ARHGEF4: variants seen among roughly 807,000 people sequenced by gnomAD.
ARHGEF4 encodes the protein Rho guanine nucleotide exchange factor 4.
In ARHGEF4, 119 loss-of-function variants were observed where a neutral mutation model predicts 162.0. The observed-to-expected ratio is 0.73, with a 90% CI of 0.63 to 0.86. ARHGEF4 has a LOEUF of 0.86. Among genes scored for constraint, ARHGEF4 ranks in the 40% least tolerant of loss-of-function variants. ARHGEF4 has a pLI of 0.00. For missense variants in ARHGEF4, 2,488 were observed against 2,456.0 expected (o/e 1.01, Z -0.28); for synonymous variants, 1,014 against 979.9 (o/e 1.03, Z -0.65).
At chr2:131,002,401 C>T (rs1243747686) in intron 4 of ARHGEF4, among the ~76,000 whole-genome samples, 1 of 151,792 alleles carries the variant, frequency 6.6e-6, no homozygotes, top group Non-Finnish European at 1.5e-5. Flanking sequence ...CACGGTGAAA[C>T]CCCATCTACT....
At chr2:130,878,362 T>C (rs1678994978) in intron 1 of ARHGEF4, among the ~76,000 whole-genome samples, 1 of 152,186 alleles carries the variant, frequency 6.6e-6, no homozygotes, top group South Asian at 2.1e-4. Context: ...ATGAGATTCC[T>C]GGGTCAGAAA....
At chr2:130,846,405 C>T (rs1680967278) in intron 1 of ARHGEF4, among the ~76,000 whole-genome samples, 1 of 152,178 alleles carries the variant, frequency 6.6e-6, no homozygotes, top group South Asian at 2.1e-4. Flanking sequence ...GCTGCTGGCC[C>T]TACGCCAGCC....
At chr2:130,892,962 G>A (rs16856298) in intron 1 of ARHGEF4, among the ~76,000 whole-genome samples, 20,020 of 152,254 alleles carry the variant, frequency 0.13, 2,934 homozygotes, top group African/African-American at 0.36. Flanking sequence ...TCAGAAAGGC[G>A]TTGGTTTACT....
chr2:130,885,564 C>CTTTTTTTTTTTT (rs961513941), intron 1 of ARHGEF4, among the ~76,000 whole-genome samples: 19 of 100,432 alleles, frequency 1.9e-4, no homozygotes, highest in African/African-American at 4.1e-4. Flanking sequence ...TTTTCTTATT[C>CTTTTTTTTTTTT]TTTTTTTTTT....
At chr2:130,896,948 A>C (rs562851693) in intron 1 of ARHGEF4, among the ~76,000 whole-genome samples, 1 of 152,280 alleles carries the variant, frequency 6.6e-6, no homozygotes, top group African/African-American at 2.4e-5. Flanking sequence ...AATGCCAGGC[A>C]TGTGGTCGCT....
At chr2:130,856,112 A>G (rs1681764263) in intron 1 of ARHGEF4, among the ~76,000 whole-genome samples, 1 of 152,234 alleles carries the variant, frequency 6.6e-6, no homozygotes, top group Non-Finnish European at 1.5e-5. Context: ...TAACTAAAGG[A>G]AGCCATGAAT....
At chr2:130,900,623 A>G (rs1427861803) in intron 1 of ARHGEF4, among the ~76,000 whole-genome samples, 1 of 152,024 alleles carries the variant, frequency 6.6e-6, no homozygotes, top group East Asian at 1.9e-4. Flanking sequence ...TTATTGAAGC[A>G]GTTTTCTGGT....
chr2:131,044,048 C>G (rs1691037549), intron 11 of ARHGEF4, among the ~76,000 whole-genome samples: 1 of 152,090 alleles, frequency 6.6e-6, no homozygotes. Flanking sequence ...CTTAGTCTCC[C>G]CACCTCAAAG....
chr2:131,025,579 A>G lies in ARHGEF4; in HGVS notation c.3986-2366A>G, dbSNP rs151041663. ...TGTTCATCCTTCCATTGGTTTCTTC[A>G]TCTGTTTCATCACCATTTATGTGTT... is the stretch of plus-strand genomic sequence containing the variant. On this transcript the variant is annotated intron_variant, in intron 4 of 13. Transcript: ENST00000409359. Among the ~76,000 whole-genome samples, 589 of 152,234 alleles carry G rather than the reference A, an allele frequency of 3.9e-3. 2 individuals are homozygous for G. The highest frequency in any genetic ancestry group is 6.1e-3 in the Non-Finnish European group (412 of 68,026).
intron 4 of ARHGEF4, among the ~76,000 whole-genome samples, chr2:130,963,338 G>T (rs1045260178): frequency 1.3e-4 from 20 of 152,028 alleles, no homozygotes; most frequent in Non-Finnish European, 2.9e-4. Context: ...GTCTGAGCGC[G>T]CTCCCCCCGC....
chr2:130,986,203 T>C (rs2105266811), intron 4 of ARHGEF4, among the ~76,000 whole-genome samples: 1 of 152,330 alleles, frequency 6.6e-6, no homozygotes, highest in African/African-American at 2.4e-5. Flanking sequence ...GCATAGGGTG[T>C]GTTGCATGTG....
At position 130,916,715 on chromosome 2, in the gene ARHGEF4, A is replaced by G. The variant is rs1401666773; in HGVS notation, c.2769A>G (p.Ile923Met). ...CCTTTTCAAACTTTATTGAGTCAAT[A>G]GTTCTAGAGAAAGAGAACACCCATG... Reference protein sequence around the residue: ...HKTFSNFIESIVLEKENTHER... With the variant: ...HKTFSNFIESMVLEKENTHER... The change falls in exon 2 of 14, where the codon ATA becomes ATG. Residue 923 changes from isoleucine (I) to methionine (M), a missense_variant. Around this residue, in one of 6 missense-constraint regions of ARHGEF4, gnomAD observed 1,642 missense variants for 1,481.5 expected, o/e 1.11. Transcript: ENST00000409359. 4 of 1,550,562 alleles carry G rather than the reference A, an allele frequency of 2.6e-6. No homozygotes were observed. In the Admixed American group the frequency reaches 7.8e-5, roughly 30 times the overall value.
chr2:130,955,610 CACACTG>C (rs1684220187), intron 4 of ARHGEF4, among the ~76,000 whole-genome samples: 6 of 152,120 alleles, frequency 3.9e-5, no homozygotes, highest in Admixed American at 3.9e-4. Flanking sequence ...CTGACCACAC[CACACTG>C]TTAAGCTCCA....
intron 4 of ARHGEF4, among the ~76,000 whole-genome samples, chr2:130,984,966 A>G (rs1042619527): frequency 4.1e-4 from 63 of 152,214 alleles, no homozygotes; most frequent in African/African-American, 1.5e-3. Flanking sequence ...CACAATTACA[A>G]ACAAGCCCCC....
chr2:130,915,100 A>C lies in ARHGEF4; in HGVS notation c.1154A>C (p.Gln385Pro), dbSNP rs1219604912. 3 of 1,550,574 alleles carry C rather than the reference A, an allele frequency of 1.9e-6. No homozygotes were observed. The highest frequency in any genetic ancestry group is 2.6e-6 in the Non-Finnish European group (3 of 1,147,040). ...AACATCCCTTCCCCTGCACCCACCC[A>C]GCTGTCTGGCCCGATTCCTGCTTTT... ...IQNIPSPAPT[Q>P]LSGPIPAFQS... The change falls in exon 2 of 14, where the codon CAG becomes CCG. Residue 385 changes from glutamine (Q) to proline (P), a missense_variant. Gln to Pro is a moderately conservative substitution (Grantham distance 76). Coordinates refer to ENST00000409359, the MANE Select transcript of ARHGEF4 (RefSeq NM_001367493.1).
chr2:130,844,851 T>G (rs1680843853), intron 1 of ARHGEF4, among the ~76,000 whole-genome samples: 1 of 151,950 alleles, frequency 6.6e-6, no homozygotes, highest in Non-Finnish European at 1.5e-5. Context: ...AGACAGAATC[T>G]CATACTCTTG....
At chr2:130,902,633 A>G (rs1347225655) in intron 1 of ARHGEF4, among the ~76,000 whole-genome samples, 1 of 151,986 alleles carries the variant, frequency 6.6e-6, no homozygotes, top group Admixed American at 6.6e-5. Context: ...AGAAGAAAAA[A>G]GGAAAAGAAA....
intron 4 of ARHGEF4, among the ~76,000 whole-genome samples, chr2:131,024,599 G>A (rs1389594612): frequency 6.6e-6 from 1 of 150,638 alleles, no homozygotes; most frequent in African/African-American, 2.5e-5. Flanking sequence ...TAAGACCCTA[G>A]GGGAGAAGGT....
chr2:130,940,280 G>C (rs948881661), intron 3 of ARHGEF4, among the ~76,000 whole-genome samples: 2 of 152,084 alleles, frequency 1.3e-5, no homozygotes, highest in Admixed American at 1.3e-4. Context: ...GGAACATAAG[G>C]AAATATTTTG....
Sources: allele counts gnomAD v4.1 joint callset (sites outside exome capture counted in the v4.1 genomes callset), GRCh38; gene constraint gnomAD v4.1.1; regional missense constraint gnomAD v4.1.1; transcripts MANE v1.5; gene names NCBI Gene and HGNC (gene_info 2026-07-23, HGNC 2026-07-21).